Variants in CD4 observed in about 807,000 individuals in gnomAD.
CD4 encodes CD4 molecule, also known as T-cell surface glycoprotein CD4.
Under a neutral mutation model 50.5 loss-of-function variants are expected in CD4, and 25 were observed. The ratio of observed to expected loss-of-function variants is 0.49; its 90% CI spans 0.36 to 0.69. CD4 has a LOEUF of 0.69. Ranked by LOEUF, CD4 falls within the 30% of genes least tolerant of loss-of-function variation. The pLI, the probability that CD4 is intolerant of heterozygous loss-of-function variation, is 0.00. For synonymous variants in CD4, 207 were observed against 221.9 expected, an observed-to-expected ratio of 0.93 and a Z score of 0.60; for missense variants, 456 against 548.5, an observed-to-expected ratio of 0.83 and a Z score of 1.68.
chr12:6,820,303 A>C lies in CD4; in HGVS notation c.*974A>C, dbSNP rs199802443. On this transcript the variant is annotated 3_prime_UTR_variant, in exon 10 of 10. Coordinates refer to ENST00000011653, the MANE Select transcript of CD4 (RefSeq NM_000616.5). ...CTCCTTCATCCCCCGCTGGTGGCAG[A>C]ATCTGTTACCAGAGGACAAAGCCTT... is the stretch of plus-strand genomic sequence containing the variant. 3.3e-5 allele frequency: 5 copies of C among 152,256 alleles called. No individual in the cohort carries two copies. The highest frequency in any genetic ancestry group is 7.3e-5 in the Non-Finnish European group (5 of 68,038). 9.4% of individuals were successfully genotyped at this position (152,256 alleles called of 1,614,324 possible).
chr12:6,815,052 C>T (rs1321278071), intron 5 of CD4, 60 bp downstream of exon 5: 2 of 1,155,904 alleles, frequency 1.7e-6, no homozygotes, highest in Non-Finnish European at 2.5e-6. Context: ...CAGCCCCTCC[C>T]TCTGCTCTGA....
rs781892937 is a variant in CD4 at position 6,818,400 on chromosome 12, G to A, written c.1157-21G>A. 6.2e-7 allele frequency: 1 copy of A among 1,611,296 alleles called. No individual in the cohort carries two copies. The highest frequency in any genetic ancestry group is 8.5e-7 in the Non-Finnish European group (1 of 1,179,916). On this transcript the variant is annotated intron_variant, in intron 7 of 9. Transcript: ENST00000011653. The surrounding 1 kb of genome is among the most constrained non-coding windows in gnomAD (Gnocchi z 5.0). ...CCCGTGGAGGAGGGCGGTGCATTGA[G>A]CACATTTCTCTCCCTTGCAGTTCTG...
At chr12:6,809,390 G>A (rs1205255900) in intron 3 of CD4, among the ~76,000 whole-genome samples, 1 of 152,048 alleles carries the variant, frequency 6.6e-6, no homozygotes, top group African/African-American at 2.4e-5. Context: ...CAGTTACTTG[G>A]GGGGCTGAGG....
At position 6,818,133 on chromosome 12, in the gene CD4, G is replaced by C. The variant is rs555335804; in HGVS notation, c.1157-288G>C. On this transcript the variant is annotated intron_variant, in intron 7 of 9. Transcript: ENST00000011653. This position sits in a 1 kb window ranked among gnomAD's most constrained non-coding sequence, Gnocchi z 5.0. The stretch of plus-strand genomic sequence containing the variant: ...ACACACATTCACACCATTCACACAC[G>C]CACACACATGCACACACTCACACAT... Among the ~76,000 whole-genome samples the C allele has an allele frequency of 2.7e-5, 4 of 148,978 alleles. No individual in the cohort carries two copies. Among genetic ancestry groups the C allele is most frequent in the Admixed American group, 1.3e-4 (2 of 15,006 alleles).
intron 5 of CD4, among the ~76,000 whole-genome samples, chr12:6,815,364 T>A (rs1943058471): frequency 6.6e-6 from 1 of 152,174 alleles, no homozygotes; most frequent in Admixed American, 6.6e-5. Context: ...CTAACACCAG[T>A]AAGCCAACCC....
intron 1 of CD4, among the ~76,000 whole-genome samples, chr12:6,798,688 C>T (rs782596437): frequency 6.6e-5 from 10 of 152,224 alleles, no homozygotes; most frequent in East Asian, 1.9e-4. Flanking sequence ...ATACCTCTCA[C>T]GCTGTATCAG....
At chr12:6,807,859 T>C (rs1942812063) in intron 3 of CD4, among the ~76,000 whole-genome samples, 3 of 152,096 alleles carry the variant, frequency 2.0e-5, no homozygotes. Flanking sequence ...GACGGGTGGA[T>C]GGCTTGAGTC....
In CD4 at chr12:6,810,239, A is replaced by G. The variant is rs148364729; in HGVS notation, c.215-3903A>G. Among the ~76,000 whole-genome samples, 499 of 152,248 alleles carry G rather than the reference A, an allele frequency of 3.3e-3. 3 individuals are homozygous for G. The highest frequency in any genetic ancestry group is 0.012 in the African/African-American group (479 of 41,558). ...TCATTCAATACCAGTTGTCCCATGA[A>G]TTTGTCCCAGACTCACTCATATGCT... On this transcript the variant is annotated intron_variant, in intron 3 of 9. Coordinates refer to ENST00000011653, the MANE Select transcript of CD4 (RefSeq NM_000616.5).
In CD4 at chr12:6,818,465, G is replaced by A. The variant is rs202198690; in HGVS notation, c.1201G>A (p.Val401Met). 92 of 1,612,876 alleles carry A rather than the reference G, an allele frequency of 5.7e-5. No individual in the cohort carries two copies. The Admixed American group carries it at 1.0e-3, about 18-fold the overall frequency. ...CCCGGTGCAGCCAATGGCCCTGATTGTGCTGGGGGGCGTCGCCGGCCTCCT... is the reference window on the plus strand; with the variant it reads ...CCCGGTGCAGCCAATGGCCCTGATTATGCTGGGGGGCGTCGCCGGCCTCCT... Reference protein sequence around the residue: ...STPVQPMALIVLGGVAGLLLF... With the variant: ...STPVQPMALIMLGGVAGLLLF... Residue 401 changes from valine to methionine, a missense_variant, in exon 8 of 10, where the codon GTG (valine) becomes ATG (methionine). Physicochemically the swap from Val to Met is conservative, Grantham distance 21. Transcript: ENST00000011653. This position sits in a 1 kb window ranked among gnomAD's most constrained non-coding sequence, Gnocchi z 5.0.
intron 3 of CD4, among the ~76,000 whole-genome samples, chr12:6,808,107 G>T (rs1306901991): frequency 1.4e-5 from 2 of 144,624 alleles, no homozygotes; most frequent in Non-Finnish European, 3.0e-5. Flanking sequence ...AAAAAAAGCA[G>T]GCAGGCAGGG....
chr12:6,803,580 C>A (rs1942628046), intron 3 of CD4, among the ~76,000 whole-genome samples: 1 of 149,828 alleles, frequency 6.7e-6, no homozygotes, highest in Admixed American at 6.6e-5. Flanking sequence ...GTCAGGAGAT[C>A]AAGATCATCC....
chr12:6,799,949 C>T, intron 1 of CD4, 123 bp from the exon 2 acceptor site: 1 of 599,796 alleles, frequency 1.7e-6, no homozygotes, highest in Middle Eastern at 4.5e-4. Flanking sequence ...ATTCCCTCTG[C>T]TATTCTCCTG....
intron 1 of CD4, among the ~76,000 whole-genome samples, chr12:6,791,647 G>A (rs1347310183): frequency 6.6e-6 from 1 of 152,172 alleles, no homozygotes; most frequent in African/African-American, 2.4e-5. Flanking sequence ...TTGAGAGGCC[G>A]AGGCAGGAGG....
intron 3 of CD4, among the ~76,000 whole-genome samples, chr12:6,803,737 A>G (rs1942635021): frequency 6.6e-6 from 1 of 151,588 alleles, no homozygotes; most frequent in East Asian, 1.9e-4. Context: ...GTGAGCTGAG[A>G]CCGTGCCATT....
At chr12:6,814,121 C>A (rs200263206) in intron 3 of CD4, 21 bp from the exon 4 acceptor site, 19 of 1,611,244 alleles carry the variant, frequency 1.2e-5, no homozygotes, top group East Asian at 8.9e-5. Flanking sequence ...CAGTCCCCCC[C>A]CATATGTCTT....
intron 1 of CD4, among the ~76,000 whole-genome samples, chr12:6,798,106 C>T (rs1041788985): frequency 1.3e-5 from 2 of 151,982 alleles, no homozygotes; most frequent in African/African-American, 4.8e-5. Flanking sequence ...TGTATTGTGT[C>T]TCTGGTTAAT....
intron 3 of CD4, among the ~76,000 whole-genome samples, chr12:6,808,309 G>T (rs188460678): frequency 6.6e-6 from 1 of 150,514 alleles, no homozygotes; most frequent in African/African-American, 2.4e-5. Flanking sequence ...AAAATTAGCT[G>T]GGCGTGGTGG....
chr12:6,814,395 C>G, intron 4 of CD4, 95 bp downstream of exon 4: 1 of 1,299,426 alleles, frequency 7.7e-7, no homozygotes, highest in Non-Finnish European at 1.1e-6. Context: ...GCTGGTGATA[C>G]CGCAGCAGCC....
intron 3 of CD4, among the ~76,000 whole-genome samples, chr12:6,807,729 AT>A (rs1942808537): frequency 6.6e-6 from 1 of 152,164 alleles, no homozygotes; most frequent in East Asian, 1.9e-4. Context: ...GGCACATAGG[AT>A]TTCTCTGTAT....
Sources: allele counts gnomAD v4.1 joint callset (sites outside exome capture counted in the v4.1 genomes callset), GRCh38; gene constraint gnomAD v4.1.1; non-coding constraint Gnocchi (gnomAD v3.1); transcripts MANE v1.5; gene names NCBI Gene and HGNC (gene_info 2026-07-23, HGNC 2026-07-21).